STARD13: variants seen among roughly 807,000 people sequenced by gnomAD.
STARD13 encodes stAR-related lipid transfer protein 13.
In STARD13, 62 loss-of-function variants were observed where a neutral mutation model predicts 106.4. The ratio of observed to expected loss-of-function variants is 0.58; its 90% CI spans 0.48 to 0.72. The LOEUF (loss-of-function observed/expected upper bound fraction) is 0.72. Among genes scored for constraint, STARD13 ranks in the 30% least tolerant of loss-of-function variants. STARD13 has a pLI of 0.00. For missense variants in STARD13, 1,387 were observed against 1,424.0 expected, an observed-to-expected ratio of 0.97 and a Z score of 0.42; for synonymous variants, 565 against 553.0, an observed-to-expected ratio of 1.02 and a Z score of -0.31.
At chr13:33,301,804 G>A (rs888406105) in intron 1 of STARD13, among the ~76,000 whole-genome samples, 5 of 152,014 alleles carry the variant, frequency 3.3e-5, no homozygotes, top group African/African-American at 2.4e-5. Flanking sequence ...TCCTAACCTC[G>A]TGATCCACCC....
chr13:33,521,578 T>C, the STARD13 span, among the ~76,000 whole-genome samples: 6 of 152,236 alleles, frequency 3.9e-5, no homozygotes, highest in South Asian at 1.2e-3. Flanking sequence ...AAGGAATGCC[T>C]ATTATAGACA....
In STARD13 at chr13:33,129,272, C is replaced by T; in HGVS notation, c.1405G>A (p.Ala469Thr). Residue 469 changes from alanine to threonine, a missense_variant, in exon 5 of 14, where the codon GCC (alanine) becomes ACC (threonine). Ala to Thr is a moderately conservative substitution (Grantham distance 58, BLOSUM62 0). Transcript: ENST00000336934. ...YDNVPGSHLY[A>T]STGDLLDLEK... The stretch of plus-strand genomic sequence containing the variant: ...AAGTCCAAAAGATCTCCTGTGCTGG[C>T]ATACAGATGGGAGCCAGGGACATTG... 6.2e-7 allele frequency: 1 copy of T among 1,614,180 alleles called. No homozygotes were observed. The highest frequency in any genetic ancestry group is 8.5e-7 in the Non-Finnish European group (1 of 1,180,038).
At chr13:33,476,847 C>G in the STARD13 span, among the ~76,000 whole-genome samples, 127 of 152,330 alleles carry the variant, frequency 8.3e-4, 1 homozygote, top group South Asian at 1.7e-3. Context: ...CTGAAAAAGA[C>G]ACTGACTCCT....
chr13:33,598,267 C>A, the STARD13 span, among the ~76,000 whole-genome samples: 8 of 152,100 alleles, frequency 5.3e-5, no homozygotes, highest in Admixed American at 3.9e-4. Flanking sequence ...GAGTCTGGTT[C>A]GATGGTTGTG....
chr13:33,512,601 G>T, the STARD13 span, among the ~76,000 whole-genome samples: 34 of 151,994 alleles, frequency 2.2e-4, no homozygotes, highest in Non-Finnish European at 1.5e-5. Flanking sequence ...CCGAGTAGTT[G>T]GGTTTATAGG....
chr13:33,564,988 C>CAA, the STARD13 span, among the ~76,000 whole-genome samples: 3 of 47,248 alleles, frequency 6.3e-5, no homozygotes, highest in South Asian at 6.7e-4. Flanking sequence ...GACTCTGTCT[C>CAA]AAAAAAAAAA....
intron 1 of STARD13, among the ~76,000 whole-genome samples, chr13:33,314,159 AC>A (rs1893244190): frequency 6.6e-6 from 1 of 151,966 alleles, no homozygotes; most frequent in Non-Finnish European, 1.5e-5. Context: ...CTGGAGAGAG[AC>A]CCCTCTCCAA....
chr13:33,197,726 C>G (rs563953078), intron 1 of STARD13, among the ~76,000 whole-genome samples: 1 of 152,308 alleles, frequency 6.6e-6, no homozygotes, highest in Non-Finnish European at 1.5e-5. Flanking sequence ...TCCGTCCTTA[C>G]ATTAGTATGT....
At chr13:33,610,846 G>T in the STARD13 span, 1 of 152,470 alleles carries the variant, frequency 6.6e-6, no homozygotes, top group Non-Finnish European at 1.5e-5. Context: ...AGGGTCGCCT[G>T]CTCACGTCCC....
chr13:33,528,261 T>C, the STARD13 span, among the ~76,000 whole-genome samples: 48 of 128,212 alleles, frequency 3.7e-4, no homozygotes, highest in African/African-American at 1.5e-3. Flanking sequence ...TATATACATA[T>C]ATATATATAT....
intron 1 of STARD13, among the ~76,000 whole-genome samples, chr13:33,197,122 T>C (rs2138074800): frequency 6.6e-6 from 1 of 152,314 alleles, no homozygotes; most frequent in Admixed American, 6.5e-5. Context: ...CCAGCCTTTT[T>C]CACACATGGC....
the STARD13 span, among the ~76,000 whole-genome samples, chr13:33,528,243 C>CATATATATATACAT: frequency 1.1e-5 from 1 of 93,484 alleles, no homozygotes; most frequent in African/African-American, 6.2e-5. Context: ...TATATATATA[C>CATATATATATACAT]ATATATATAT....
At chr13:33,183,517 T>C (rs1386215613) in intron 1 of STARD13, among the ~76,000 whole-genome samples, 1 of 152,242 alleles carries the variant, frequency 6.6e-6, no homozygotes. Context: ...CAGGCTTTCA[T>C]AGCTTTCTGT....
At chr13:33,238,277 T>C (rs1306674156) in intron 1 of STARD13, among the ~76,000 whole-genome samples, 1 of 152,170 alleles carries the variant, frequency 6.6e-6, no homozygotes, top group East Asian at 1.9e-4. Context: ...CAAAACCAGA[T>C]TTCAAGACTA....
In STARD13 at chr13:33,106,782, G is replaced by A. The variant is rs1873776815; in HGVS notation, c.3200C>T (p.Thr1067Ile). Residue 1067 changes from threonine to isoleucine, a missense_variant, in exon 13 of 14, where the codon ACT becomes ATT. By Grantham distance (89) the Thr-to-Ile change is moderately conservative. Coordinates refer to ENST00000336934, the MANE Select transcript of STARD13 (RefSeq NM_178006.4). ...EPCGSGKSRL[T>I]HICRIDLKGH... ...CTTCAGGTCTATCCTGCAGATGTGA[G>A]TCAGTCTTGACTTGCCAGAGCCACA... 1 of 1,613,498 alleles carries A rather than the reference G, an allele frequency of 6.2e-7. No homozygotes were observed. Among genetic ancestry groups the A allele is most frequent in the African/African-American group, 1.3e-5 (1 of 74,928 alleles).
At chr13:33,229,483 C>G (rs17078814) in intron 1 of STARD13, among the ~76,000 whole-genome samples, 9,799 of 152,316 alleles carry the variant, frequency 0.064, 367 homozygotes, top group Middle Eastern at 0.14. Flanking sequence ...ATCCCTTTAT[C>G]TCTTGTCGAA....
chr13:33,496,467 A>G, the STARD13 span, among the ~76,000 whole-genome samples: 2 of 151,890 alleles, frequency 1.3e-5, no homozygotes, highest in African/African-American at 4.8e-5. Flanking sequence ...AAACTTCCTC[A>G]TGGTATCATT....
chr13:33,172,697 T>G (rs1021225340), intron 1 of STARD13, among the ~76,000 whole-genome samples: 1 of 152,226 alleles, frequency 6.6e-6, no homozygotes, highest in East Asian at 1.9e-4. Context: ...AGCAAATACT[T>G]TTTCAATAGC....
At chr13:33,649,084 C>A in the STARD13 span, among the ~76,000 whole-genome samples, 9 of 152,158 alleles carry the variant, frequency 5.9e-5, no homozygotes, top group African/African-American at 1.2e-4. Context: ...TGAGCCACTG[C>A]GCCCAGCCTG....
Sources: gnomAD v4.1 joint callset for allele counts (sites outside exome capture counted in the v4.1 genomes callset) on GRCh38, gnomAD v4.1.1 for gene constraint, MANE v1.5 for transcripts, NCBI Gene and HGNC (gene_info 2026-07-23, HGNC 2026-07-21) for gene names.